FANCC: variants seen among roughly 807,000 people sequenced by gnomAD.
FANCC encodes Fanconi anemia group C protein.
FANCC carries 55 observed loss-of-function variants against 71.3 expected under a neutral mutation model. The observed-to-expected ratio is 0.77, with a 90% CI of 0.62 to 0.97. The LOEUF is 0.97. FANCC is among the 50% of genes least tolerant of loss of function. The pLI is 0.00. For synonymous variants in FANCC, 275 were observed against 244.9 expected, an observed-to-expected ratio of 1.12 and a Z score of -1.15; for missense variants, 678 against 670.9, an observed-to-expected ratio of 1.01 and a Z score of -0.12.
At chr9:95,244,895 C>G (rs887630292) in intron 3 of FANCC, among the ~76,000 whole-genome samples, 5 of 151,778 alleles carry the variant, frequency 3.3e-5, no homozygotes, top group Non-Finnish European at 5.9e-5. Flanking sequence ...GTGTTGTATT[C>G]TAGGGAAAGC....
chr9:95,266,973 A>G (rs1832417999), intron 1 of FANCC, among the ~76,000 whole-genome samples: 2 of 152,214 alleles, frequency 1.3e-5, no homozygotes, highest in African/African-American at 2.4e-5. Context: ...GAGGGGAAAC[A>G]TAAAAAGAAA....
At chr9:95,140,199 T>G (rs538065282) in intron 7 of FANCC, among the ~76,000 whole-genome samples, 2 of 152,260 alleles carry the variant, frequency 1.3e-5, no homozygotes, top group Non-Finnish European at 2.9e-5. Context: ...TAATGAGCAG[T>G]AGGCTTCCAG....
In FANCC at chr9:95,123,587, G is replaced by A. The variant is rs745327006; in HGVS notation, c.996+1499C>T. ...CCGCGGCCACGTGCAGCCTATTTGC[G>A]ACACGAACTGTGCCCAATGTGTGCC... On this transcript the variant is annotated intron_variant, in intron 10 of 14. Transcript: ENST00000289081. The A allele has an allele frequency of 8.6e-5, 50 of 581,836 alleles. 1 individual carries two copies. Among genetic ancestry groups the A allele is most frequent in the African/African-American group, 5.2e-4 (28 of 53,670 alleles). 36.0% of individuals were successfully genotyped at this position (581,836 alleles called of 1,614,324 possible).
At chr9:95,217,181 G>C (rs1052005783) in intron 4 of FANCC, among the ~76,000 whole-genome samples, 4 of 152,134 alleles carry the variant, frequency 2.6e-5, no homozygotes, top group Admixed American at 2.0e-4. Flanking sequence ...TCAAATATTT[G>C]TTAATTTAAA....
intron 4 of FANCC, among the ~76,000 whole-genome samples, chr9:95,189,834 G>C (rs752810968): frequency 1.3e-5 from 2 of 152,118 alleles, no homozygotes; most frequent in Non-Finnish European, 2.9e-5. Context: ...AATCCATGCT[G>C]CAGCTTTTCT....
intron 6 of FANCC, among the ~76,000 whole-genome samples, chr9:95,163,484 A>T (rs1423667165): frequency 6.6e-6 from 1 of 152,274 alleles, no homozygotes. Flanking sequence ...AAGAAAAACC[A>T]AACGCCACTG....
chr9:95,258,569 C>G (rs1271555820), intron 1 of FANCC, among the ~76,000 whole-genome samples: 1 of 152,108 alleles, frequency 6.6e-6, no homozygotes, highest in African/African-American at 2.4e-5. Flanking sequence ...TATGACAAAC[C>G]CACAGCAAAT....
At chr9:95,183,512 G>A (rs1826508389) in intron 4 of FANCC, among the ~76,000 whole-genome samples, 1 of 152,200 alleles carries the variant, frequency 6.6e-6, no homozygotes. Context: ...CCTTGTTATA[G>A]GAGAACACAA....
chr9:95,172,629 A>C (rs1825758703), intron 4 of FANCC, among the ~76,000 whole-genome samples: 1 of 152,174 alleles, frequency 6.6e-6, no homozygotes, highest in African/African-American at 2.4e-5. Context: ...TAAGATAGAG[A>C]ACACATCACA....
At chr9:95,168,148 T>A (rs1056299358) in intron 6 of FANCC, among the ~76,000 whole-genome samples, 1 of 152,230 alleles carries the variant, frequency 6.6e-6, no homozygotes, top group African/African-American at 2.4e-5. Flanking sequence ...GATTCTCCAG[T>A]GCTGCAACAA....
At chr9:95,120,667 A>G (rs893306847) in intron 10 of FANCC, among the ~76,000 whole-genome samples, 2 of 152,104 alleles carry the variant, frequency 1.3e-5, no homozygotes, top group African/African-American at 2.4e-5. Flanking sequence ...GACTCAAGCA[A>G]TCCTCCCACC....
intron 1 of FANCC, among the ~76,000 whole-genome samples, chr9:95,265,343 G>C (rs1375683222): frequency 1.3e-5 from 2 of 152,120 alleles, no homozygotes; most frequent in African/African-American, 4.8e-5. Flanking sequence ...GGATTTACTA[G>C]GCTCAATTCT....
chr9:95,306,677 C>G (rs1193984620), intron 1 of FANCC, among the ~76,000 whole-genome samples: 1 of 152,150 alleles, frequency 6.6e-6, no homozygotes, highest in Admixed American at 6.5e-5. Context: ...ACCAGAAATA[C>G]CCGGCTCTTT....
At chr9:95,165,661 CT>C (rs1831023382) in intron 6 of FANCC, among the ~76,000 whole-genome samples, 1 of 152,020 alleles carries the variant, frequency 6.6e-6, no homozygotes, top group African/African-American at 2.4e-5. Flanking sequence ...TGATTTCAGT[CT>C]TCTTAAATTT....
chr9:95,248,541 G>A (rs919746556), intron 2 of FANCC, among the ~76,000 whole-genome samples: 1 of 152,010 alleles, frequency 6.6e-6, no homozygotes, highest in Non-Finnish European at 1.5e-5. Context: ...TGACAATTTT[G>A]CTTTTCATTT....
chr9:95,297,365 C>T (rs1239005865), intron 1 of FANCC, among the ~76,000 whole-genome samples: 2 of 152,188 alleles, frequency 1.3e-5, no homozygotes, highest in African/African-American at 2.4e-5. Flanking sequence ...CATTTTTTAT[C>T]CCTCTGCTGG....
chr9:95,235,654 G>A (rs866883899), intron 4 of FANCC, among the ~76,000 whole-genome samples: 12 of 151,962 alleles, frequency 7.9e-5, no homozygotes, highest in Admixed American at 2.0e-4. Context: ...AGACCAGCCC[G>A]ACCAACATGG....
chr9:95,143,358 G>A (rs764550995), intron 7 of FANCC, among the ~76,000 whole-genome samples: 2 of 152,136 alleles, frequency 1.3e-5, no homozygotes, highest in Non-Finnish European at 2.9e-5. Flanking sequence ...TTAAATCGCT[G>A]GCCAGTAGTG....
intron 1 of FANCC, among the ~76,000 whole-genome samples, chr9:95,265,567 C>T (rs1488046823): frequency 6.6e-6 from 1 of 152,172 alleles, no homozygotes; most frequent in African/African-American, 2.4e-5. Flanking sequence ...ACTTCCTTTC[C>T]TTGCGTTTCT....
Sources: allele counts gnomAD v4.1 joint callset (sites outside exome capture counted in the v4.1 genomes callset), GRCh38; gene constraint gnomAD v4.1.1; transcripts MANE v1.5; gene names NCBI Gene and HGNC (gene_info 2026-07-23, HGNC 2026-07-21).